The following PCDH7 variants were observed in gnomAD, a reference collection of about 807,000 sequenced individuals.
The protein encoded by PCDH7 is protocadherin 7.
In PCDH7, 17 loss-of-function variants were observed where a neutral mutation model predicts 58.9. The observed-to-expected ratio is 0.29, with a 90% CI of 0.20 to 0.43. The LOEUF (loss-of-function observed/expected upper bound fraction) is 0.43. Among genes scored for constraint, PCDH7 ranks in the 20% least tolerant of loss-of-function variants. The probability of loss-of-function intolerance (pLI) is 1.00; values close to 1 mark genes in which losing one functional copy is unlikely to be tolerated. For synonymous variants in PCDH7, 664 were observed against 616.4 expected (o/e 1.08, Z -1.14); for missense variants, 1,274 against 1,441.0 (o/e 0.88, Z 1.88).
At chr4:30,859,907 T>A (rs1051363017) in intron 1 of PCDH7, among the ~76,000 whole-genome samples, 11 of 152,088 alleles carry the variant, frequency 7.2e-5, no homozygotes, top group Admixed American at 2.0e-4. Flanking sequence ...TCTCAACGAA[T>A]TGGTACCTTG....
intron 2 of PCDH7, among the ~76,000 whole-genome samples, chr4:30,945,270 T>G (rs901734797): frequency 6.6e-6 from 1 of 152,092 alleles, no homozygotes; most frequent in Non-Finnish European, 1.5e-5. Context: ...TGCATGTATA[T>G]TATCTCAAAT....
chr4:30,737,936 G>A (rs1429709203), downstream of PCDH7, among the ~76,000 whole-genome samples: 3 of 152,138 alleles, frequency 2.0e-5, no homozygotes, highest in African/African-American at 7.2e-5. Flanking sequence ...GGTTTGGGAG[G>A]TTAGAAGTCT....
At chr4:31,114,664 CACACGA>C (rs1345665088) in intron 3 of PCDH7, among the ~76,000 whole-genome samples, 1 of 150,934 alleles carries the variant, frequency 6.6e-6, no homozygotes, top group Non-Finnish European at 1.5e-5. Context: ...CACACACACA[CACACGA>C]AGAGATGGGG....
chr4:30,775,520 T>C (rs1721943014), intron 1 of PCDH7, among the ~76,000 whole-genome samples: 1 of 152,188 alleles, frequency 6.6e-6, no homozygotes, highest in Admixed American at 6.5e-5. Flanking sequence ...TGCTTAAGAA[T>C]GACAAATTTT....
At chr4:30,945,123 A>G (rs1473798444) in intron 2 of PCDH7, among the ~76,000 whole-genome samples, 1 of 152,132 alleles carries the variant, frequency 6.6e-6, no homozygotes, top group African/African-American at 2.4e-5. Context: ...GAAGCATGTC[A>G]TATTAAATAA....
At chr4:31,042,579 G>T (rs1300054905) in intron 3 of PCDH7, among the ~76,000 whole-genome samples, 6 of 151,980 alleles carry the variant, frequency 3.9e-5, no homozygotes, top group South Asian at 2.1e-4. Flanking sequence ...AGTTTCTTTG[G>T]GGTCCTGTGG....
chr4:31,083,276 A>G (rs1711858548), intron 3 of PCDH7, among the ~76,000 whole-genome samples: 1 of 152,198 alleles, frequency 6.6e-6, no homozygotes, highest in Non-Finnish European at 1.5e-5. Flanking sequence ...TTAAAGAAAA[A>G]AATTGATTTT....
chr4:30,823,966 A>G (rs1346572735), intron 1 of PCDH7, among the ~76,000 whole-genome samples: 1 of 152,138 alleles, frequency 6.6e-6, no homozygotes, highest in Admixed American at 6.6e-5. Context: ...AAGAACCCAG[A>G]ATCTGGAGAA....
chr4:31,074,784 C>CAAAAAAAAAAAAAAAAAAAA lies in PCDH7; in HGVS notation c.*8-67685_*8-67666dup, dbSNP rs1157267696. ...TGGGCTACAGAGGGAGATTCCGTCT[C>CAAAAAAAAAAAAAAAAAAAA]AAAAAAAAAAAAAAAAAAAAAAAGC... On this transcript the variant is annotated intron_variant, in intron 3 of 3. Transcript: ENST00000509759. Among the ~76,000 whole-genome samples, 29 of 52,468 alleles carry CAAAAAAAAAAAAAAAAAAAA rather than the reference C, an allele frequency of 5.5e-4. 1 individual carries two copies. The highest frequency in any genetic ancestry group is 1.7e-3 in the Admixed American group (6 of 3,432). The allele number at this position is 52,468 out of a possible 152,430, so 34.4% of individuals were successfully genotyped here.
chr4:30,722,160 G>C lies in PCDH7; in HGVS notation c.738G>C (p.Leu246=). 1 of 1,522,300 alleles carries C rather than the reference G, an allele frequency of 6.6e-7. No individual in the cohort carries two copies. The highest frequency in any genetic ancestry group is 8.8e-7 in the Non-Finnish European group (1 of 1,136,504). The allele number at this position is 1,522,300 out of a possible 1,614,324, so 94.3% of individuals were successfully genotyped here. Reference sequence around the variant, plus strand: ...GCGGCCGCAGCAGCGTGTTCGAGCTGCAGGTGGCGGACACCCCGGACGGCG... The same window carrying C: ...GCGGCCGCAGCAGCGTGTTCGAGCTCCAGGTGGCGGACACCCCGGACGGCG... Residue 246 remains leucine, a synonymous_variant, in exon 1 of 2, where the codon CTG becomes CTC. Coordinates refer to ENST00000361762, the Ensembl canonical transcript of PCDH7. This position sits in a 1 kb window ranked among gnomAD's most constrained non-coding sequence, Gnocchi z 7.6.
chr4:31,030,598 GA>G (rs1270308255), intron 3 of PCDH7, among the ~76,000 whole-genome samples: 1 of 151,940 alleles, frequency 6.6e-6, no homozygotes, highest in Admixed American at 6.6e-5. Context: ...AAAACAAGTA[GA>G]AAAAAAGACT....
chr4:30,830,248 T>A (rs1034887472), intron 1 of PCDH7, among the ~76,000 whole-genome samples: 7 of 152,008 alleles, frequency 4.6e-5, no homozygotes, highest in Non-Finnish European at 5.9e-5. Flanking sequence ...TGTTGTAGAG[T>A]TGAATCTTGT....
chr4:30,834,917 A>G (rs569624570), intron 1 of PCDH7, among the ~76,000 whole-genome samples: 9 of 145,522 alleles, frequency 6.2e-5, no homozygotes, highest in Admixed American at 2.0e-4. Flanking sequence ...ATATATATAT[A>G]TGTGTATATA....
intron 1 of PCDH7, among the ~76,000 whole-genome samples, chr4:30,903,456 T>G (rs1370029945): frequency 6.6e-6 from 1 of 152,094 alleles, no homozygotes; most frequent in Non-Finnish European, 1.5e-5. Context: ...TTCCTGGATT[T>G]TTTTTTTGTC....
Position 30,794,507 on chromosome 4 carries a change from T to C in PCDH7, c.70+69911T>C, listed in dbSNP as rs538600506. On this transcript the variant is annotated intron_variant, in intron 1 of 3. Transcript: ENST00000509759. ...CTATAGATATCATTTGGAATTTCTTTAGAATTGTTACATAATTCACAGATA... is the reference window on the plus strand; with the variant it reads ...CTATAGATATCATTTGGAATTTCTTCAGAATTGTTACATAATTCACAGATA... 4.6e-5 allele frequency among the ~76,000 whole-genome samples: 7 copies of C among 152,336 alleles called. No homozygotes were observed. In the South Asian group the frequency reaches 1.0e-3, roughly 23 times the overall value.
intron 3 of PCDH7, among the ~76,000 whole-genome samples, chr4:31,103,217 C>G (rs1230768389): frequency 2.0e-5 from 3 of 152,056 alleles, no homozygotes; most frequent in Non-Finnish European, 4.4e-5. Context: ...CATTTGTTTT[C>G]TTATGCTTCC....
At chr4:30,892,442 C>G (rs116730547) in intron 1 of PCDH7, among the ~76,000 whole-genome samples, 2,826 of 151,952 alleles carry the variant, frequency 0.019, 45 homozygotes, top group South Asian at 0.041. Context: ...TATTCTATAT[C>G]CAGTGATTCT....
chr4:30,857,451 T>C (rs1733618755), intron 1 of PCDH7, among the ~76,000 whole-genome samples: 2 of 152,118 alleles, frequency 1.3e-5, no homozygotes, highest in East Asian at 1.9e-4. Context: ...GTGGAGCTGT[T>C]TTCCATTATA....
At chr4:31,113,709 T>G (rs1330049514) in intron 3 of PCDH7, among the ~76,000 whole-genome samples, 1 of 152,132 alleles carries the variant, frequency 6.6e-6, no homozygotes, top group Admixed American at 6.6e-5. Context: ...TATTGAGTTT[T>G]GAGCAGATAG....
Sources: gnomAD v4.1 joint callset for allele counts (sites outside exome capture counted in the v4.1 genomes callset) on GRCh38, gnomAD v4.1.1 for gene constraint, Gnocchi (gnomAD v3.1) non-coding constraint, MANE v1.5 for transcripts, NCBI Gene and HGNC (gene_info 2026-07-23, HGNC 2026-07-21) for gene names.